Variants in CDH20 observed in about 807,000 individuals in gnomAD.
CDH20 encodes cadherin 20, also known as cadherin-20.
A neutral mutation model predicts 74.2 loss-of-function variants in CDH20; 29 were observed. The observed-to-expected ratio is 0.39, with a 90% CI of 0.29 to 0.53. The LOEUF (loss-of-function observed/expected upper bound fraction) is 0.53, where lower values mean the gene tolerates loss of function less well. Ranked by LOEUF, CDH20 falls within the 20% of genes least tolerant of loss-of-function variation. The probability of loss-of-function intolerance (pLI) is 0.69; values close to 1 mark genes in which losing one functional copy is unlikely to be tolerated. For missense variants in CDH20, 988 were observed against 1,048.3 expected (o/e 0.94, Z 0.79); for synonymous variants, 469 against 405.4 (o/e 1.16, Z -1.88).
chr18:61,421,284 A>G (rs969321921), intron 1 of CDH20, among the ~76,000 whole-genome samples: 1 of 152,248 alleles, frequency 6.6e-6, no homozygotes, highest in South Asian at 2.1e-4. Context: ...CAGCTAATAC[A>G]GAACATTAAA....
At chr18:61,530,462 G>A (rs1173916390) in intron 7 of CDH20, among the ~76,000 whole-genome samples, 1 of 152,044 alleles carries the variant, frequency 6.6e-6, no homozygotes, top group African/African-American at 2.4e-5. Flanking sequence ...TTGTTACAAA[G>A]AACAAATGAG....
chr18:61,509,477 C>T (rs1440209474), intron 6 of CDH20, among the ~76,000 whole-genome samples: 1 of 152,096 alleles, frequency 6.6e-6, no homozygotes, highest in East Asian at 1.9e-4. Flanking sequence ...TGGGACCATG[C>T]CTGTTGTATT....
chr18:61,369,586 A>G (rs1195992165), intron 1 of CDH20, among the ~76,000 whole-genome samples: 2 of 152,118 alleles, frequency 1.3e-5, no homozygotes, highest in South Asian at 2.1e-4. Context: ...AGGAATATAA[A>G]TCATTCTGTG....
intron 1 of CDH20, among the ~76,000 whole-genome samples, chr18:61,355,471 A>G (rs1910469067): frequency 6.6e-6 from 1 of 152,244 alleles, no homozygotes; most frequent in African/African-American, 2.4e-5. Context: ...ACACAAGGAA[A>G]GAACACATGT....
At chr18:61,392,728 T>C (rs978518199) in intron 1 of CDH20, among the ~76,000 whole-genome samples, 8 of 151,566 alleles carry the variant, frequency 5.3e-5, no homozygotes, top group African/African-American at 1.7e-4. Context: ...TGCTGCTCTA[T>C]TACTTGACAG....
At chr18:61,426,512 C>T (rs1435048967) in intron 1 of CDH20, among the ~76,000 whole-genome samples, 5 of 152,136 alleles carry the variant, frequency 3.3e-5, no homozygotes, top group African/African-American at 1.2e-4. Flanking sequence ...AGTTTATTTG[C>T]TTGTTTTGCT....
In CDH20 at chr18:61,490,589, C is replaced by T. The variant is rs147796041; in HGVS notation, c.36C>T (p.Asn12=). 19 of 1,614,152 alleles carry T rather than the reference C, an allele frequency of 1.2e-5. No homozygotes were observed. The Admixed American group carries it at 1.5e-4, about 13-fold the overall frequency. The change falls in exon 2 of 12, where the codon AAC becomes AAT. Residue 12 remains asparagine, a synonymous_variant. Coordinates refer to ENST00000262717, the MANE Select transcript of CDH20 (RefSeq NM_031891.4). The part of the protein sequence containing the change: ...WTSGRMSNAK[N]WLGLGMSLYF... Reference sequence around the variant, plus strand: ...CTGGTAGAATGAGCAATGCAAAGAACTGGCTTGGACTTGGCATGTCCTTGT... The same window carrying T: ...CTGGTAGAATGAGCAATGCAAAGAATTGGCTTGGACTTGGCATGTCCTTGT...
chr18:61,335,029 C>A (rs569346646), intron 1 of CDH20, among the ~76,000 whole-genome samples: 1 of 152,186 alleles, frequency 6.6e-6, no homozygotes, highest in East Asian at 1.9e-4. Flanking sequence ...AGGGACTCAG[C>A]TAAGGAATTG....
Position 61,499,257 on chromosome 18 carries a change from G to A in CDH20, c.318G>A (p.Val106=). 1 of 1,613,702 alleles carries A rather than the reference G, an allele frequency of 6.2e-7. No homozygotes were observed. Among genetic ancestry groups the A allele is most frequent in the East Asian group, 2.2e-5 (1 of 44,866 alleles). ...TCTCGGGAGAAGGTGCTGGCATCGT[G>A]TTTACCATCGACGACACCACTGGAG... is the stretch of plus-strand genomic sequence containing the variant. ...YILSGEGAGI[V]FTIDDTTGDI... is the part of the protein sequence containing the mutation. The change falls in exon 3 of 12, where the codon GTG becomes GTA. Residue 106 remains valine, a synonymous_variant. Transcript: ENST00000262717.
intron 1 of CDH20, among the ~76,000 whole-genome samples, chr18:61,430,414 C>T (rs1913216112): frequency 6.6e-6 from 1 of 152,144 alleles, no homozygotes; most frequent in Admixed American, 6.6e-5. Context: ...CATGGCATCA[C>T]TGTTGATGTT....
At chr18:61,423,824 C>T (rs75420347) in intron 1 of CDH20, among the ~76,000 whole-genome samples, 5,646 of 152,192 alleles carry the variant, frequency 0.037, 152 homozygotes, top group South Asian at 0.074. Context: ...ATTCTTTCAA[C>T]GTGACAGTGT....
intron 2 of CDH20, among the ~76,000 whole-genome samples, chr18:61,496,606 G>A (rs749387262): frequency 1.2e-4 from 18 of 152,148 alleles, no homozygotes; most frequent in Non-Finnish European, 2.4e-4. Flanking sequence ...CTCTGCCGCT[G>A]TCGCTGTCGT....
intron 1 of CDH20, among the ~76,000 whole-genome samples, chr18:61,443,461 T>C (rs1461916766): frequency 6.6e-6 from 1 of 152,172 alleles, no homozygotes; most frequent in African/African-American, 2.4e-5. Context: ...GACAACGGTA[T>C]GCAGGCCAAA....
At chr18:61,426,845 C>G (rs72991856) in intron 1 of CDH20, among the ~76,000 whole-genome samples, 83 of 152,214 alleles carry the variant, frequency 5.5e-4, no homozygotes, top group African/African-American at 1.8e-3. Flanking sequence ...TCTGTCAGGA[C>G]ATCAAGTATC....
At chr18:61,422,540 A>G (rs896994333) in intron 1 of CDH20, among the ~76,000 whole-genome samples, 1 of 152,188 alleles carries the variant, frequency 6.6e-6, no homozygotes. Context: ...AGCTGTTATC[A>G]GAAGAAAACT....
chr18:61,507,674 T>C (rs975438458), intron 6 of CDH20, 114 bp downstream of exon 6: 1 of 652,910 alleles, frequency 1.5e-6, no homozygotes, highest in East Asian at 3.2e-5. Flanking sequence ...CTGATAAAAG[T>C]GCTTTCCTAT....
chr18:61,509,126 A>G (rs1312501113), intron 6 of CDH20, among the ~76,000 whole-genome samples: 3 of 152,208 alleles, frequency 2.0e-5, no homozygotes, highest in African/African-American at 7.2e-5. Context: ...GGTGCAGTAT[A>G]TACTGCTCAG....
At chr18:61,505,618 G>A (rs115814680) in intron 5 of CDH20, among the ~76,000 whole-genome samples, 692 of 152,236 alleles carry the variant, frequency 4.5e-3, no homozygotes, top group African/African-American at 0.016. Flanking sequence ...TTACAGGCAT[G>A]AGCCACCACA....
At chr18:61,539,716 C>A (rs1246395891) in intron 9 of CDH20, among the ~76,000 whole-genome samples, 2 of 152,106 alleles carry the variant, frequency 1.3e-5, no homozygotes, top group African/African-American at 2.4e-5. Flanking sequence ...TTTTCTATAT[C>A]TTTCCACCTC....
Sources: gnomAD v4.1 joint callset for allele counts (sites outside exome capture counted in the v4.1 genomes callset) on GRCh38, gnomAD v4.1.1 for gene constraint, MANE v1.5 for transcripts, NCBI Gene and HGNC (gene_info 2026-07-23, HGNC 2026-07-21) for gene names.